Variants in SV2C observed in about 807,000 individuals in gnomAD.
SV2C encodes synaptic vesicle glycoprotein 2C.
In SV2C, 49 loss-of-function variants were observed where a neutral mutation model predicts 79.7. That is an observed-to-expected ratio of 0.61 (90% CI 0.49 to 0.78). The LOEUF is 0.78. Ranked by LOEUF, SV2C falls within the 30% of genes least tolerant of loss-of-function variation. The pLI is 0.00. For missense variants in SV2C, 833 were observed against 912.9 expected, an observed-to-expected ratio of 0.91 and a Z score of 1.13; for synonymous variants, 334 against 333.2, an observed-to-expected ratio of 1.00 and a Z score of -0.03.
the SV2C span, among the ~76,000 whole-genome samples, chr5:76,012,785 G>T: frequency 2.6e-5 from 4 of 152,134 alleles, no homozygotes; most frequent in Non-Finnish European, 5.9e-5. Flanking sequence ...TTTTGTATAA[G>T]GTGTAAGGAA....
chr5:76,117,358 A>G (rs1748301801), intron 1 of SV2C, among the ~76,000 whole-genome samples: 1 of 152,240 alleles, frequency 6.6e-6, no homozygotes, highest in African/African-American at 2.4e-5. Flanking sequence ...AGTTACATAA[A>G]CGAAAGCTTG....
chr5:76,049,166 G>A, the SV2C span, among the ~76,000 whole-genome samples: 4 of 151,604 alleles, frequency 2.6e-5, no homozygotes, highest in African/African-American at 7.3e-5. Flanking sequence ...TGAAACACCC[G>A]TTCTACTAAA....
chr5:76,223,477 ATATATATATATATATATATGTATATG>A (rs1745142085), intron 4 of SV2C, among the ~76,000 whole-genome samples: 2 of 70,198 alleles, frequency 2.8e-5, no homozygotes, highest in African/African-American at 1.3e-4. Flanking sequence ...ATATATATAT[ATATATATATATATATATATGTATATG>A]TATATAAAGA....
At chr5:76,067,202 T>C in the SV2C span, among the ~76,000 whole-genome samples, 82 of 152,276 alleles carry the variant, frequency 5.4e-4, no homozygotes, top group African/African-American at 1.9e-3. Flanking sequence ...TAGTTCCTCC[T>C]TGGTGGTTTG....
At chr5:75,957,311 T>A in the SV2C span, among the ~76,000 whole-genome samples, 2 of 152,138 alleles carry the variant, frequency 1.3e-5, no homozygotes, top group East Asian at 3.9e-4. Flanking sequence ...CTTTGTTTAA[T>A]TCATCAGTGT....
intron 1 of SV2C, among the ~76,000 whole-genome samples, chr5:76,099,418 G>A (rs553910965): frequency 1.3e-5 from 2 of 151,338 alleles, no homozygotes; most frequent in South Asian, 4.2e-4. Context: ...TCCTGTTGCT[G>A]CTAGTGATGA....
the SV2C span, among the ~76,000 whole-genome samples, chr5:76,015,636 A>C: frequency 6.6e-6 from 1 of 152,146 alleles, no homozygotes; most frequent in African/African-American, 2.4e-5. Context: ...CATGTCATTT[A>C]TCATTAGCTT....
chr5:76,348,380 A>T (rs1749582294), intron 12 of SV2C, among the ~76,000 whole-genome samples: 1 of 152,230 alleles, frequency 6.6e-6, no homozygotes, highest in Non-Finnish European at 1.5e-5. Flanking sequence ...TTTGGCAATT[A>T]TAAGGAAAGC....
At chr5:75,953,852 T>C in the SV2C span, among the ~76,000 whole-genome samples, 1 of 152,014 alleles carries the variant, frequency 6.6e-6, no homozygotes, top group African/African-American at 2.4e-5. Context: ...GGCTGCTTTC[T>C]CTTTTTTGTA....
At chr5:76,309,170 C>A (rs1035252510) in intron 12 of SV2C, among the ~76,000 whole-genome samples, 1 of 152,178 alleles carries the variant, frequency 6.6e-6, no homozygotes, top group Non-Finnish European at 1.5e-5. Context: ...CATGAAGACT[C>A]TTTCACATTG....
the SV2C span, among the ~76,000 whole-genome samples, chr5:75,872,457 C>T: frequency 1.3e-5 from 2 of 151,624 alleles, no homozygotes; most frequent in Non-Finnish European, 1.5e-5. Context: ...AACAACATAG[C>T]GGTGAAAGAA....
At chr5:76,353,137 G>A (rs1402246952) in exon 13 of SV2C, 4 of 453,790 alleles carry the variant, frequency 8.8e-6, no homozygotes, top group African/African-American at 8.1e-5. Context: ...TAGACGCAGA[G>A]TCTTGCCATG....
intron 1 of SV2C, among the ~76,000 whole-genome samples, chr5:76,086,764 A>G (rs1391879899): frequency 6.6e-6 from 1 of 152,188 alleles, no homozygotes; most frequent in African/African-American, 2.4e-5. Context: ...TTTTTTCTTT[A>G]TTTGAGACAG....
chr5:76,149,828 G>A (rs1338662156), intron 2 of SV2C, among the ~76,000 whole-genome samples: 2 of 152,178 alleles, frequency 1.3e-5, no homozygotes, highest in African/African-American at 4.8e-5. Flanking sequence ...ATCCCAGAAT[G>A]GACTCCAGAT....
the SV2C span, chr5:76,075,936 C>G: frequency 2.9e-5 from 6 of 206,552 alleles, no homozygotes; most frequent in African/African-American, 1.4e-4. Flanking sequence ...ATTTTATTTA[C>G]TATTTTTTGC....
chr5:76,124,294 C>T (rs968029781), intron 1 of SV2C, among the ~76,000 whole-genome samples: 1 of 152,178 alleles, frequency 6.6e-6, no homozygotes, highest in Non-Finnish European at 1.5e-5. Flanking sequence ...ATCCTGGCAA[C>T]CACCATTCTA....
chr5:76,121,677 G>A (rs1036211974), intron 1 of SV2C, among the ~76,000 whole-genome samples: 27 of 151,768 alleles, frequency 1.8e-4, no homozygotes, highest in Non-Finnish European at 3.4e-4. Context: ...TCAGATAGTT[G>A]TAGATATGCG....
chr5:76,313,347 TATC>T (rs1748520181), intron 12 of SV2C, among the ~76,000 whole-genome samples: 1 of 152,130 alleles, frequency 6.6e-6, no homozygotes, highest in Non-Finnish European at 1.5e-5. Context: ...TTATACGCCT[TATC>T]ATTATATTAT....
intron 12 of SV2C, among the ~76,000 whole-genome samples, chr5:76,321,605 G>C (rs530884101): frequency 6.6e-6 from 1 of 152,132 alleles, no homozygotes; most frequent in South Asian, 2.1e-4. Context: ...GCTGGGCATG[G>C]TGGTGCACGC....
Sources: allele counts gnomAD v4.1 joint callset (sites outside exome capture counted in the v4.1 genomes callset), GRCh38; gene constraint gnomAD v4.1.1; transcripts MANE v1.5; gene names NCBI Gene and HGNC (gene_info 2026-07-23, HGNC 2026-07-21).